TAFA2: variants seen among roughly 807,000 people sequenced by gnomAD.
TAFA2 encodes chemokine-like protein TAFA-2.
In TAFA2, 7 loss-of-function variants were observed where a neutral mutation model predicts 18.8. The ratio of observed to expected loss-of-function variants is 0.37; its 90% CI spans 0.21 to 0.70. The LOEUF is 0.70. Among genes scored for constraint, TAFA2 ranks in the 30% least tolerant of loss-of-function variants. The probability of loss-of-function intolerance (pLI) is 0.53; values close to 1 mark genes in which losing one functional copy is unlikely to be tolerated. For synonymous variants in TAFA2, 60 were observed against 54.2 expected (o/e 1.11, Z -0.47); for missense variants, 122 against 158.1 (o/e 0.77, Z 1.23).
At chr12:62,247,260 A>C (rs937880475) in intron 1 of TAFA2, among the ~76,000 whole-genome samples, 2 of 152,154 alleles carry the variant, frequency 1.3e-5, no homozygotes, top group African/African-American at 4.8e-5. Flanking sequence ...AGTTGGAACT[A>C]ATTCCTCGCC....
chr12:61,848,848 C>CT (rs552662679), intron 2 of TAFA2, among the ~76,000 whole-genome samples: 3,732 of 140,826 alleles, frequency 0.027, 149 homozygotes, highest in African/African-American at 0.088. Flanking sequence ...ATGGTAGGTA[C>CT]TTTTTTTTTT....
intron 1 of TAFA2, among the ~76,000 whole-genome samples, chr12:61,883,657 T>G (rs922141487): frequency 1.3e-5 from 2 of 152,098 alleles, no homozygotes; most frequent in African/African-American, 4.8e-5. Flanking sequence ...GATACCAAAT[T>G]TAAGGAGTCA....
intron 1 of TAFA2, among the ~76,000 whole-genome samples, chr12:61,886,621 T>A (rs1296806483): frequency 6.6e-6 from 1 of 152,198 alleles, no homozygotes; most frequent in Non-Finnish European, 1.5e-5. Flanking sequence ...AGTTCTCGTG[T>A]GGGTCCCAGT....
At chr12:62,070,473 T>G (rs535541336) in intron 1 of TAFA2, 1 of 152,332 alleles carries the variant, frequency 6.6e-6, no homozygotes, top group East Asian at 1.9e-4. Context: ...AGCAGCTCTT[T>G]CCTAGGGAGT....
At chr12:62,137,046 A>G (rs1870923644) in intron 1 of TAFA2, among the ~76,000 whole-genome samples, 1 of 152,124 alleles carries the variant, frequency 6.6e-6, no homozygotes, top group African/African-American at 2.4e-5. Flanking sequence ...TAAACATGGG[A>G]CTGAAGCTTA....
At chr12:61,871,354 T>A (rs1874594381) in intron 1 of TAFA2, among the ~76,000 whole-genome samples, 1 of 152,238 alleles carries the variant, frequency 6.6e-6, no homozygotes. Context: ...GACATTGCCT[T>A]CTTTCTCTAT....
chr12:62,069,659 T>C (rs1350495363), intron 1 of TAFA2, among the ~76,000 whole-genome samples: 1 of 152,190 alleles, frequency 6.6e-6, no homozygotes, highest in Non-Finnish European at 1.5e-5. Context: ...GTCCAAGTGC[T>C]CGTTTTTTAT....
rs147189045 is a variant in TAFA2, at chr12:62,042,401, CTGTGTGTGTG to C, written c.-2+148848_-2+148857del. Among the ~76,000 whole-genome samples the C allele has an allele frequency of 7.7e-4, 111 of 144,088 alleles. 1 individual carries two copies. Among genetic ancestry groups the C allele is most frequent in the Middle Eastern group, 3.6e-3 (1 of 278 alleles). The allele number at this position is 144,088 out of a possible 152,430, so 94.5% of individuals were successfully genotyped here. ...TTAGTCCTAAATTCTGCATTGAAGT[CTGTGTGTGTG>C]TGTGTGTGTGTGTGTGTGCGCGTGT... On this transcript the variant is annotated intron_variant, in intron 1 of 4. Transcript: ENST00000416284.
At chr12:61,738,194 A>G (rs1442793243) in intron 4 of TAFA2, among the ~76,000 whole-genome samples, 1 of 151,880 alleles carries the variant, frequency 6.6e-6, no homozygotes, top group Non-Finnish European at 1.5e-5. Flanking sequence ...TCAGCATTCA[A>G]TAAACAAGTC....
chr12:61,901,700 T>A (rs1411976341), intron 1 of TAFA2, among the ~76,000 whole-genome samples: 4 of 152,142 alleles, frequency 2.6e-5, no homozygotes, highest in Admixed American at 2.6e-4. Context: ...GGAGTTGAAT[T>A]GAAGGCACCA....
chr12:61,853,146 C>T (rs1376124905), intron 2 of TAFA2, among the ~76,000 whole-genome samples: 1 of 152,130 alleles, frequency 6.6e-6, no homozygotes, highest in Non-Finnish European at 1.5e-5. Context: ...CAAAACATTA[C>T]ATTGTATACC....
At chr12:61,994,564 C>G (rs1880119290) in intron 1 of TAFA2, among the ~76,000 whole-genome samples, 1 of 151,902 alleles carries the variant, frequency 6.6e-6, no homozygotes, top group African/African-American at 2.4e-5. Context: ...AATAAAATAC[C>G]TCCATTTTTT....
At chr12:62,005,380 T>G (rs1422494606) in intron 1 of TAFA2, among the ~76,000 whole-genome samples, 1 of 152,114 alleles carries the variant, frequency 6.6e-6, no homozygotes. Flanking sequence ...TAGCCTTGCT[T>G]CTTCCTTCCT....
At chr12:62,045,893 A>G (rs978472853) in intron 1 of TAFA2, among the ~76,000 whole-genome samples, 1 of 152,192 alleles carries the variant, frequency 6.6e-6, no homozygotes, top group African/African-American at 2.4e-5. Context: ...AACAAAAGAC[A>G]GGAAAGAATA....
At chr12:62,072,628 A>C (rs1230214741) in intron 1 of TAFA2, among the ~76,000 whole-genome samples, 2 of 152,006 alleles carry the variant, frequency 1.3e-5, no homozygotes, top group Non-Finnish European at 2.9e-5. Context: ...AAAAAATACA[A>C]AAAATTAGCA....
At chr12:61,838,929 T>C (rs1051303796) in intron 2 of TAFA2, among the ~76,000 whole-genome samples, 13 of 152,024 alleles carry the variant, frequency 8.6e-5, no homozygotes, top group African/African-American at 3.1e-4. Context: ...AAAATCTCCC[T>C]CCAACAAAAA....
chr12:62,206,273 G>A (rs1400623428), intron 1 of TAFA2, among the ~76,000 whole-genome samples: 3 of 152,154 alleles, frequency 2.0e-5, no homozygotes, highest in African/African-American at 7.2e-5. Flanking sequence ...ATCTGTCTTG[G>A]ATAAGTACAA....
chr12:62,058,582 T>C (rs1882248107), intron 1 of TAFA2, among the ~76,000 whole-genome samples: 1 of 151,874 alleles, frequency 6.6e-6, no homozygotes, highest in East Asian at 1.9e-4. Flanking sequence ...GACAGCGCTG[T>C]GTTTCATATC....
intron 1 of TAFA2, among the ~76,000 whole-genome samples, chr12:62,182,192 A>C (rs1565772617): frequency 6.6e-6 from 1 of 152,216 alleles, no homozygotes; most frequent in Admixed American, 6.5e-5. Context: ...CATCTCTTCA[A>C]ACTGTAGGAT....
Sources: gnomAD v4.1 joint callset for allele counts (sites outside exome capture counted in the v4.1 genomes callset) on GRCh38, gnomAD v4.1.1 for gene constraint, MANE v1.5 for transcripts, NCBI Gene and HGNC (gene_info 2026-07-23, HGNC 2026-07-21) for gene names.